Variants in CCDC91 observed in about 807,000 individuals in gnomAD.
CCDC91 encodes the protein coiled-coil domain containing 91.
Under a neutral mutation model 63.2 loss-of-function variants are expected in CCDC91, and 48 were observed. That is an observed-to-expected ratio of 0.76 (90% CI 0.60 to 0.97). CCDC91 has a LOEUF of 0.97. Ranked by LOEUF, CCDC91 falls within the 50% of genes least tolerant of loss-of-function variation. CCDC91 has a pLI of 0.00. For missense variants in CCDC91, 500 were observed against 494.6 expected (o/e 1.01, Z -0.10); for synonymous variants, 167 against 165.8 (o/e 1.01, Z -0.06).
At chr12:28,198,533 A>G (rs1941956387) in intron 1 of CCDC91, among the ~76,000 whole-genome samples, 1 of 152,222 alleles carries the variant, frequency 6.6e-6, no homozygotes, top group Non-Finnish European at 1.5e-5. Context: ...AAGCTGAATG[A>G]CATTAAATGG....
Position 28,262,660 on chromosome 12 carries a change from CAGTA to C in CCDC91, c.109+3221_109+3224del, listed in dbSNP as rs1192035877. Reference sequence around the variant, plus strand: ...AATGTTGATGAAATTAATGAATTGTCAGTAAGAATAAATGAAATGTGCATGCTGA... The same window carrying C: ...AATGTTGATGAAATTAATGAATTGTCAGAATAAATGAAATGTGCATGCTGA... On this transcript the variant is annotated intron_variant, in intron 3 of 12. Coordinates refer to ENST00000536442, the MANE Select transcript of CCDC91 (RefSeq NM_018318.5). Among the ~76,000 whole-genome samples the C allele has an allele frequency of 2.6e-5, 4 of 151,866 alleles. No homozygotes were observed. The Admixed American group carries it at 2.6e-4, about 10-fold the overall frequency.
At chr12:28,258,310 A>G (rs1452167025) in intron 2 of CCDC91, among the ~76,000 whole-genome samples, 17 of 122,522 alleles carry the variant, frequency 1.4e-4, no homozygotes, top group Non-Finnish European at 2.2e-4. Context: ...TATGTTTCAG[A>G]TATCATCTGG....
intron 6 of CCDC91, among the ~76,000 whole-genome samples, chr12:28,361,080 T>G (rs973477586): frequency 2.6e-5 from 4 of 151,682 alleles, no homozygotes; most frequent in Non-Finnish European, 5.9e-5. Flanking sequence ...TTAGAAATAT[T>G]TATAGATTAT....
intron 3 of CCDC91, 108 bp from the exon 4 acceptor site, chr12:28,305,541 A>T: frequency 1.1e-6 from 1 of 920,642 alleles, no homozygotes; most frequent in South Asian, 2.5e-5. Flanking sequence ...TACTTTCCTT[A>T]CTTTTTTCTT....
chr12:28,521,336 T>A (rs11049692), intron 12 of CCDC91, among the ~76,000 whole-genome samples: 31,119 of 152,032 alleles, frequency 0.2, 4,161 homozygotes, highest in Non-Finnish European at 0.3. Context: ...TTGAAGCAAT[T>A]GTGAATGGGA....
chr12:28,390,884 T>C (rs987536858), intron 7 of CCDC91, among the ~76,000 whole-genome samples: 3 of 151,924 alleles, frequency 2.0e-5, no homozygotes, highest in African/African-American at 7.2e-5. Context: ...GGATGTGGAG[T>C]TTTGTCAGCC....
intron 6 of CCDC91, among the ~76,000 whole-genome samples, chr12:28,329,270 G>T: frequency 6.6e-6 from 1 of 152,084 alleles, no homozygotes; most frequent in East Asian, 1.9e-4. Context: ...TATGTCCTTT[G>T]GTTGACTTTC....
intron 6 of CCDC91, among the ~76,000 whole-genome samples, chr12:28,311,780 C>T (rs2137190912): frequency 6.6e-6 from 1 of 151,872 alleles, no homozygotes; most frequent in African/African-American, 2.4e-5. Context: ...TTCTGTCTTG[C>T]TAGATTGTGC....
At chr12:28,422,127 T>C (rs765539384) in intron 8 of CCDC91, among the ~76,000 whole-genome samples, 2 of 152,160 alleles carry the variant, frequency 1.3e-5, no homozygotes, top group Non-Finnish European at 2.9e-5. Flanking sequence ...ATGTAAATCA[T>C]TGATTTATTT....
chr12:28,395,293 G>A (rs1030386231), intron 8 of CCDC91, among the ~76,000 whole-genome samples: 4 of 152,064 alleles, frequency 2.6e-5, no homozygotes, highest in African/African-American at 4.8e-5. Context: ...ACACCAAATC[G>A]GTGTTCTACA....
At chr12:28,527,991 G>A (rs1941417912) in intron 12 of CCDC91, among the ~76,000 whole-genome samples, 2 of 152,158 alleles carry the variant, frequency 1.3e-5, no homozygotes, top group African/African-American at 4.8e-5. Context: ...GGCAGTGAGT[G>A]AGCAGGGCTA....
At chr12:28,464,612 TGAAAG>T (rs1250677019) in intron 11 of CCDC91, among the ~76,000 whole-genome samples, 1 of 152,038 alleles carries the variant, frequency 6.6e-6, no homozygotes, top group Non-Finnish European at 1.5e-5. Flanking sequence ...CCTGCTGCCT[TGAAAG>T]GAAGGACCCA....
At chr12:28,491,546 A>C (rs1952003353) in intron 12 of CCDC91, among the ~76,000 whole-genome samples, 1 of 151,842 alleles carries the variant, frequency 6.6e-6, no homozygotes, top group South Asian at 2.1e-4. Flanking sequence ...AGATCACTTA[A>C]GCCTATGATG....
intron 11 of CCDC91, among the ~76,000 whole-genome samples, chr12:28,464,515 T>C (rs563650109): frequency 2.6e-5 from 4 of 152,262 alleles, no homozygotes; most frequent in African/African-American, 9.6e-5. Context: ...CACAGCAGGA[T>C]AGAGCATTGG....
intron 6 of CCDC91, among the ~76,000 whole-genome samples, chr12:28,326,787 C>T (rs754866911): frequency 1.1e-4 from 17 of 152,032 alleles, no homozygotes; most frequent in South Asian, 2.1e-4. Context: ...TTATTGTAAG[C>T]GGAATTCAAA....
At chr12:28,212,119 C>T (rs1379421085) in intron 1 of CCDC91, among the ~76,000 whole-genome samples, 1 of 152,198 alleles carries the variant, frequency 6.6e-6, no homozygotes, top group Non-Finnish European at 1.5e-5. Flanking sequence ...TCAGTGGACA[C>T]AAATGGGTCC....
At chr12:28,361,241 T>A (rs1943859456) in intron 6 of CCDC91, among the ~76,000 whole-genome samples, 1 of 151,958 alleles carries the variant, frequency 6.6e-6, no homozygotes, top group African/African-American at 2.4e-5. Context: ...GCAGGTTAGT[T>A]ACATATGTAT....
chr12:28,522,764 G>T (rs1258736528), intron 12 of CCDC91, among the ~76,000 whole-genome samples: 5 of 152,088 alleles, frequency 3.3e-5, no homozygotes, highest in Non-Finnish European at 7.4e-5. Context: ...AGAAATTCTG[G>T]TATGTTGTGT....
At chr12:28,373,030 T>C (rs567968706) in intron 7 of CCDC91, among the ~76,000 whole-genome samples, 3 of 152,278 alleles carry the variant, frequency 2.0e-5, no homozygotes, top group South Asian at 2.1e-4. Context: ...TGGGGTCCTT[T>C]AGTATTTATT....
Sources: allele counts gnomAD v4.1 joint callset (sites outside exome capture counted in the v4.1 genomes callset), GRCh38; gene constraint gnomAD v4.1.1; transcripts MANE v1.5; gene names NCBI Gene and HGNC (gene_info 2026-07-23, HGNC 2026-07-21).